SPATA21: variants seen among roughly 807,000 people sequenced by gnomAD.
SPATA21 encodes spermatogenesis-associated protein 21.
In SPATA21, 47 loss-of-function variants were observed where a neutral mutation model predicts 54.8. That is an observed-to-expected ratio of 0.86 (90% CI 0.68 to 1.09). The LOEUF (loss-of-function observed/expected upper bound fraction) is 1.09, where lower values mean the gene tolerates loss of function less well. Ranked by LOEUF, SPATA21 falls within the 50% of genes least tolerant of loss-of-function variation. The pLI, the probability that SPATA21 is intolerant of heterozygous loss-of-function variation, is 0.00. For missense variants in SPATA21, 599 were observed against 596.4 expected, an observed-to-expected ratio of 1.00 and a Z score of -0.05; for synonymous variants, 245 against 235.3, an observed-to-expected ratio of 1.04 and a Z score of -0.38.
chr1:16,406,519 ATCACTTGAG>A (rs1221959237), intron 7 of SPATA21, among the ~76,000 whole-genome samples: 1 of 152,180 alleles, frequency 6.6e-6, no homozygotes, highest in Non-Finnish European at 1.5e-5. Flanking sequence ...AGGCAGTAGA[ATCACTTGAG>A]TCTGGGAGTC....
intron 3 of SPATA21, chr1:16,425,063 C>T (rs1414523901): frequency 2.8e-6 from 1 of 355,302 alleles, no homozygotes; most frequent in Non-Finnish European, 5.6e-6. Flanking sequence ...GGATTACAGG[C>T]ATGTGCCACC....
chr1:16,430,366 G>C (rs1428976691), intron 3 of SPATA21, among the ~76,000 whole-genome samples: 1 of 152,148 alleles, frequency 6.6e-6, no homozygotes, highest in Non-Finnish European at 1.5e-5. Flanking sequence ...CTGGGAGTTC[G>C]AGGCTGCAGT....
upstream of SPATA21, chr1:16,437,467 A>T (rs1207340066): frequency 6.6e-6 from 1 of 152,042 alleles, no homozygotes; most frequent in Non-Finnish European, 1.5e-5. Flanking sequence ...TGCCTTGCCA[A>T]CCTCACAGTG....
intron 5 of SPATA21, among the ~76,000 whole-genome samples, chr1:16,419,057 C>T (rs138434329): frequency 2.0e-5 from 3 of 152,102 alleles, no homozygotes; most frequent in Non-Finnish European, 4.4e-5. Context: ...AAGATAATGT[C>T]GGAGGGAGAA....
At chr1:16,425,843 A>G (rs368859927) in intron 3 of SPATA21, 29 of 878,634 alleles carry the variant, frequency 3.3e-5, no homozygotes, top group African/African-American at 2.9e-4. Flanking sequence ...GGAAGGACCA[A>G]TGAAGGACTC....
rs139039989 is a variant in SPATA21, at chr1:16,409,593, G to A, written c.587+8C>T. On this transcript the variant is annotated splice_region_variant and intron_variant, in intron 6 of 12. Transcript: ENST00000335496. The surrounding 1 kb of genome is among the most constrained non-coding windows in gnomAD (Gnocchi z 4.1). ...AGGAGCGGGCGGGTGAGCAGCGGGG[G>A]CTCCTACCGCGCCTTGGCGTAGCTC... 128 of 1,606,972 alleles carry A rather than the reference G, an allele frequency of 8.0e-5. No individual in the cohort carries two copies. In the African/African-American group the frequency reaches 1.4e-3, roughly 18 times the overall value.
In SPATA21 at chr1:16,409,025, C is replaced by A; in HGVS notation, c.673+93G>T. The A allele has an allele frequency of 7.3e-7, 1 of 1,370,302 alleles. No homozygotes were observed. Among genetic ancestry groups the A allele is most frequent in the Non-Finnish European group, 1.0e-6 (1 of 971,534 alleles). The allele number at this position is 1,370,302 out of a possible 1,614,324, so 84.9% of individuals were successfully genotyped here. On this transcript the variant is annotated intron_variant, in intron 7 of 12. Coordinates refer to ENST00000335496, the MANE Select transcript of SPATA21 (RefSeq NM_198546.1). This position sits in a 1 kb window ranked among gnomAD's most constrained non-coding sequence, Gnocchi z 4.1. ...CTACACATGGCGGCAGCCATGTGAT[C>A]TGGAAAGCACCCCAGTCCGCCCTGC...
intron 3 of SPATA21, chr1:16,425,439 A>C: frequency 1.4e-6 from 2 of 1,391,192 alleles, no homozygotes; most frequent in Non-Finnish European, 2.0e-6. Flanking sequence ...ATGCACCAGA[A>C]TGGGGGGCAT....
chr1:16,423,666 C>T (rs1204433724), intron 3 of SPATA21, among the ~76,000 whole-genome samples: 4 of 150,586 alleles, frequency 2.7e-5, no homozygotes, highest in African/African-American at 4.9e-5. Flanking sequence ...GCCTCAGCCT[C>T]CCGAGTAGCT....
intron 3 of SPATA21, chr1:16,425,866 C>G: frequency 1.4e-6 from 1 of 707,644 alleles, no homozygotes; most frequent in South Asian, 2.0e-5. Flanking sequence ...AGGAATTCCC[C>G]AAATCATAGA....
intron 1 of SPATA21, among the ~76,000 whole-genome samples, chr1:16,434,657 T>C (rs1444443407): frequency 6.6e-6 from 1 of 152,194 alleles, no homozygotes; most frequent in Non-Finnish European, 1.5e-5. Context: ...CAAGTTTTTA[T>C]ATGAACATAC....
rs2085768694 is a variant in SPATA21, at chr1:16,409,670, T to C, written c.518A>G (p.Asp173Gly). The change falls in exon 6 of 13, where the codon GAC becomes GGC. Residue 173 changes from aspartate to glycine, a missense_variant. Physicochemically the swap from Asp to Gly is moderately conservative, Grantham distance 94 (BLOSUM62 -1). Transcript: ENST00000335496. The surrounding 1 kb of genome is among the most constrained non-coding windows in gnomAD (Gnocchi z 4.1). ...PCPVLLGPAL[D>G]LGWRRMELLH... ...GAGTTCCATCCTTCTCCAGCCCAGG[T>C]CCAGGGCAGGGCCCAGCAGGACAGG... 1 of 1,613,246 alleles carries C rather than the reference T, an allele frequency of 6.2e-7. No homozygotes were observed. Among genetic ancestry groups the C allele is most frequent in the African/African-American group, 1.3e-5 (1 of 74,908 alleles).
chr1:16,427,742 A>G, intron 3 of SPATA21: 1 of 1,047,218 alleles, frequency 9.5e-7, no homozygotes, highest in Non-Finnish European at 1.3e-6. Flanking sequence ...AGAGAAGGAC[A>G]AGGTGCTGTC....
At chr1:16,431,483 GC>G in intron 2 of SPATA21, 61 bp from the exon 3 acceptor site, 1 of 1,501,844 alleles carries the variant, frequency 6.7e-7, no homozygotes, top group Non-Finnish European at 9.0e-7. Flanking sequence ...TGCTTCAGGA[GC>G]CCACTTGGAG....
chr1:16,418,177 C>G (rs937288858), intron 5 of SPATA21, among the ~76,000 whole-genome samples: 1 of 152,256 alleles, frequency 6.6e-6, no homozygotes, highest in Non-Finnish European at 1.5e-5. Flanking sequence ...TCTTCTCCCC[C>G]ACAGTATCCA....
At position 16,409,990 on chromosome 1, in the gene SPATA21, A is replaced by G. The variant is rs2085787084; in HGVS notation, c.198T>C (p.Pro66=). 1 of 1,601,188 alleles carries G rather than the reference A, an allele frequency of 6.2e-7. No homozygotes were observed. Among genetic ancestry groups the G allele is most frequent in the South Asian group, 1.1e-5 (1 of 88,918 alleles). ...RREPDRAQQQ[P]QKPAVAAGTQ... is the part of the protein sequence containing the mutation. Reference sequence around the variant, plus strand: ...TCCCTGCAGCCACCGCGGGCTTCTGAGGCTGCTGCTGCGCACGGTCTGGCT... The same window carrying G: ...TCCCTGCAGCCACCGCGGGCTTCTGGGGCTGCTGCTGCGCACGGTCTGGCT... The change falls in exon 6 of 13, where the codon CCT becomes CCC. Residue 66 remains proline (P), a synonymous_variant. Transcript: ENST00000335496. This position sits in a 1 kb window ranked among gnomAD's most constrained non-coding sequence, Gnocchi z 4.1.
chr1:16,404,483 A>C (rs147764743), intron 8 of SPATA21, among the ~76,000 whole-genome samples: 211 of 151,950 alleles, frequency 1.4e-3, no homozygotes, highest in Middle Eastern at 3.4e-3. Flanking sequence ...AACAAACAAA[A>C]AAACAAAACC....
rs896441087 is a variant in SPATA21, at chr1:16,428,374, C to T, written c.34+2964G>A. Reference sequence around the variant, plus strand: ...AATTCCCATGCCTTCAAAACGCAGGCTCTAGTTTGAACTGAGTTTTTATTT... The same window carrying T: ...AATTCCCATGCCTTCAAAACGCAGGTTCTAGTTTGAACTGAGTTTTTATTT... On this transcript the variant is annotated intron_variant, in intron 3 of 12. Transcript: ENST00000335496. The surrounding 1 kb of genome is among the most constrained non-coding windows in gnomAD (Gnocchi z 4.3). Among the ~76,000 whole-genome samples, 3 of 152,166 alleles carry T rather than the reference C, an allele frequency of 2.0e-5. No homozygotes were observed. Among genetic ancestry groups the T allele is most frequent in the Admixed American group, 2.0e-4 (3 of 15,268 alleles).
At chr1:16,417,419 C>T (rs1341697279) in intron 5 of SPATA21, among the ~76,000 whole-genome samples, 1 of 150,690 alleles carries the variant, frequency 6.6e-6, no homozygotes, top group Non-Finnish European at 1.5e-5. Context: ...CCACCATGCC[C>T]AGCTAATTTT....
Sources: gnomAD v4.1 joint callset for allele counts (sites outside exome capture counted in the v4.1 genomes callset) on GRCh38, gnomAD v4.1.1 for gene constraint, Gnocchi (gnomAD v3.1) non-coding constraint, MANE v1.5 for transcripts, NCBI Gene and HGNC (gene_info 2026-07-23, HGNC 2026-07-21) for gene names.